Variants in RPS6KA2 observed in about 807,000 individuals in gnomAD.
The protein encoded by RPS6KA2 is ribosomal protein S6 kinase alpha-2.
A neutral mutation model predicts 91.8 loss-of-function variants in RPS6KA2; 42 were observed. That is an observed-to-expected ratio of 0.46 (90% confidence interval 0.36 to 0.59). RPS6KA2 has a LOEUF of 0.59. RPS6KA2 is among the 20% of genes least tolerant of loss of function. RPS6KA2 has a pLI of 0.00. For synonymous variants in RPS6KA2, 414 were observed against 393.6 expected, an observed-to-expected ratio of 1.05 and a Z score of -0.61; for missense variants, 798 against 978.5, an observed-to-expected ratio of 0.82 and a Z score of 2.46.
chr6:166,555,981 A>G (rs1784167358), intron 1 of RPS6KA2, among the ~76,000 whole-genome samples: 1 of 152,138 alleles, frequency 6.6e-6, no homozygotes, highest in Non-Finnish European at 1.5e-5. Context: ...GGGGGAAAAC[A>G]GTTGGGGCAG....
chr6:166,512,807 G>T, intron 3 of RPS6KA2, among the ~76,000 whole-genome samples: 1 of 152,188 alleles, frequency 6.6e-6, no homozygotes, highest in East Asian at 1.9e-4. Flanking sequence ...CAACAACACG[G>T]GGCCCGCCCA....
intron 13 of RPS6KA2, among the ~76,000 whole-genome samples, chr6:166,449,193 C>T (rs1779772461): frequency 6.6e-6 from 1 of 152,150 alleles, no homozygotes; most frequent in Admixed American, 6.5e-5. Flanking sequence ...GGCTCCAATG[C>T]CTGTGTGCAG....
At chr6:166,604,620 C>G (rs1435785970) in intron 1 of RPS6KA2, among the ~76,000 whole-genome samples, 2 of 152,180 alleles carry the variant, frequency 1.3e-5, no homozygotes, top group Non-Finnish European at 1.5e-5. Context: ...TTTAAAAGTC[C>G]TTCTGTCATG....
intron 1 of RPS6KA2, among the ~76,000 whole-genome samples, chr6:166,544,240 T>G (rs764932993): frequency 6.6e-6 from 1 of 152,232 alleles, no homozygotes; most frequent in Non-Finnish European, 1.5e-5. Flanking sequence ...ACCACGCCGC[T>G]AGAATGGAAG....
At chr6:166,428,313 T>A (rs1778999183) in intron 16 of RPS6KA2, among the ~76,000 whole-genome samples, 1 of 148,320 alleles carries the variant, frequency 6.7e-6, no homozygotes, top group Non-Finnish European at 1.5e-5. Context: ...TCAAGATGGA[T>A]TAAAGACTTA....
In RPS6KA2 at chr6:166,742,828, G is replaced by A. The variant is rs192064618; in HGVS notation, c.123+115372C>T. Among the ~76,000 whole-genome samples, 17 of 152,310 alleles carry A rather than the reference G, an allele frequency of 1.1e-4. No individual in the cohort carries two copies. The East Asian group carries it at 1.5e-3, about 14-fold the overall frequency. Reference sequence around the variant, plus strand: ...GAATGGAGCACTCTGTGTCCCGTCCGTGCCTGCAAAACACTGAGAAGCCAG... The same window carrying A: ...GAATGGAGCACTCTGTGTCCCGTCCATGCCTGCAAAACACTGAGAAGCCAG... On this transcript the variant is annotated intron_variant, in intron 2 of 21. Coordinates refer to the RPS6KA2 transcript ENST00000503859.
chr6:166,682,754 C>T (rs1163519107), intron 2 of RPS6KA2, among the ~76,000 whole-genome samples: 1 of 152,200 alleles, frequency 6.6e-6, no homozygotes, highest in Non-Finnish European at 1.5e-5. Flanking sequence ...TCCCCACACC[C>T]AGCAAAATAA....
intron 2 of RPS6KA2, among the ~76,000 whole-genome samples, chr6:166,534,153 C>A (rs1030994290): frequency 1.5e-5 from 2 of 129,432 alleles, no homozygotes; most frequent in Admixed American, 1.9e-4. Flanking sequence ...ACCCGGGAGG[C>A]GGAGCTTGCA....
chr6:166,654,959 T>TA (rs773814819), intron 2 of RPS6KA2, among the ~76,000 whole-genome samples: 37 of 137,426 alleles, frequency 2.7e-4, no homozygotes, highest in East Asian at 7.2e-4. Flanking sequence ...ATAAAAAATG[T>TA]AAAAAAAAAT....
In RPS6KA2 at chr6:166,627,033, G is replaced by C; in HGVS notation, c.-14C>G. On this transcript the variant is annotated 5_prime_UTR_variant, in exon 1 of 21. Transcript: ENST00000265678. ...GCTCAGGTCCATCGCCCCGCGCCCA[G>C]CCCGGAGCAGCCGCAGGGCCGGGGG... The C allele has an allele frequency of 7.0e-7, 1 of 1,436,932 alleles. No homozygotes were observed. Among genetic ancestry groups the C allele is most frequent in the Non-Finnish European group, 9.2e-7 (1 of 1,081,878 alleles). 89.0% of individuals were successfully genotyped at this position (1,436,932 alleles called of 1,614,324 possible). A position where few individuals can be genotyped will look rare whatever the true frequency, so the allele number is the denominator to read the frequency against.
In RPS6KA2 at chr6:166,661,325, C is replaced by T. The variant is rs767595371; in HGVS notation, c.124-122541G>A. ...ACGTTGGCCAGGCTGGTCTCAAACT[C>T]CTAAACTCAGGCGATCCGCCCGCCT... On this transcript the variant is annotated intron_variant, in intron 2 of 21. Transcript: ENST00000503859. 3.3e-5 allele frequency among the ~76,000 whole-genome samples: 5 copies of T among 152,290 alleles called. No homozygotes were observed. In the South Asian group the frequency reaches 1.0e-3, roughly 32 times the overall value.
Position 166,852,496 on chromosome 6 carries a change from C to T in RPS6KA2, c.123+5704G>A, listed in dbSNP as rs758429781. ...GCAGAGACATGAGAGGCAACGTGGC[C>T]GCACAGGCGGTTTAGCCTGTCCCGG... On this transcript the variant is annotated intron_variant, in intron 2 of 21. Coordinates refer to the RPS6KA2 transcript ENST00000503859. The surrounding 1 kb of genome is among the most constrained non-coding windows in gnomAD (Gnocchi z 4.1). Among the ~76,000 whole-genome samples, 7 of 152,280 alleles carry T rather than the reference C, an allele frequency of 4.6e-5. No individual in the cohort carries two copies. Among genetic ancestry groups the T allele is most frequent in the African/African-American group, 7.2e-5 (3 of 41,546 alleles).
At chr6:166,676,635 T>C (rs1001429460) in intron 2 of RPS6KA2, among the ~76,000 whole-genome samples, 9 of 152,240 alleles carry the variant, frequency 5.9e-5, no homozygotes, top group African/African-American at 2.2e-4. Flanking sequence ...GTCCCTGTGC[T>C]GAGCCCTCCC....
rs147557165 is a variant in RPS6KA2 at position 166,423,304 on chromosome 6, G to A, written c.1695C>T (p.Asn565=). The A allele has an allele frequency of 3.7e-3, 6,030 of 1,613,970 alleles. 20 individuals are homozygous for A. Among genetic ancestry groups the A allele is most frequent in the Middle Eastern group, 8.9e-3 (54 of 6,058 alleles). The change falls in exon 17 of 21, where the codon AAC becomes AAT. Residue 565 remains asparagine, a synonymous_variant. Coordinates refer to ENST00000265678, the MANE Select transcript of RPS6KA2 (RefSeq NM_021135.6). This position sits in a 1 kb window ranked among gnomAD's most constrained non-coding sequence, Gnocchi z 4.8. ...TGTAGCAGGGTGTCATGAGCAGCCC[G>A]TTCCCCGCGCGCAGCTGCTTGGCAA... The part of the protein sequence containing the change: ...FGFAKQLRAG[N]GLLMTPCYTA...
chr6:166,600,121 C>T (rs1333758388), intron 1 of RPS6KA2, among the ~76,000 whole-genome samples: 1 of 152,300 alleles, frequency 6.6e-6, no homozygotes, highest in South Asian at 2.1e-4. Context: ...AATCCTCCTG[C>T]CTCAGCTTCC....
chr6:166,541,249 A>C (rs1446639349), intron 1 of RPS6KA2, among the ~76,000 whole-genome samples: 1 of 152,136 alleles, frequency 6.6e-6, no homozygotes, highest in Admixed American at 6.6e-5. Flanking sequence ...AAAATTCAAC[A>C]CCGCCCAGAG....
At chr6:166,860,577 C>T (rs1260700728) in intron 1 of RPS6KA2, among the ~76,000 whole-genome samples, 7 of 152,178 alleles carry the variant, frequency 4.6e-5, no homozygotes, top group Admixed American at 4.6e-4. Context: ...CAGGGTCCCA[C>T]CTGGAATTGT....
intron 2 of RPS6KA2, among the ~76,000 whole-genome samples, chr6:166,632,544 A>G (rs1213170136): frequency 1.3e-5 from 2 of 151,902 alleles, no homozygotes; most frequent in Non-Finnish European, 2.9e-5. Flanking sequence ...CCTGGGAGGC[A>G]GAGTTGCAGT....
At position 166,448,715 on chromosome 6, in the gene RPS6KA2, C is replaced by T; in HGVS notation, c.1332+9G>A. 1 of 1,606,996 alleles carries T rather than the reference C, an allele frequency of 6.2e-7. No homozygotes were observed. Among genetic ancestry groups the T allele is most frequent in the East Asian group, 2.2e-5 (1 of 44,774 alleles). Reference sequence around the variant, plus strand: ...ACAGGGCCCTGCTCACTCAGCAGGCCTGCCTTACCTTCACGGCATACTCGG... The same window carrying T: ...ACAGGGCCCTGCTCACTCAGCAGGCTTGCCTTACCTTCACGGCATACTCGG... On this transcript the variant is annotated intron_variant, in intron 14 of 20. Coordinates refer to ENST00000265678, the MANE Select transcript of RPS6KA2 (RefSeq NM_021135.6). The surrounding 1 kb of genome is among the most constrained non-coding windows in gnomAD (Gnocchi z 4.7).
Sources: allele counts gnomAD v4.1 joint callset (sites outside exome capture counted in the v4.1 genomes callset), GRCh38; gene constraint gnomAD v4.1.1; non-coding constraint Gnocchi (gnomAD v3.1); transcripts MANE v1.5; gene names NCBI Gene and HGNC (gene_info 2026-07-23, HGNC 2026-07-21).